Variants in BPIFB4 observed in about 807,000 individuals in gnomAD.
BPIFB4 encodes BPI fold containing family B member 4.
BPIFB4 carries 62 observed loss-of-function variants against 69.2 expected under a neutral mutation model. The observed-to-expected ratio is 0.90, with a 90% CI of 0.73 to 1.11. BPIFB4 has a LOEUF of 1.11. Ranked by LOEUF, BPIFB4 falls within the 50% of genes least tolerant of loss-of-function variation. The probability of loss-of-function intolerance (pLI) is 0.00; values close to 1 mark genes in which losing one functional copy is unlikely to be tolerated. For missense variants in BPIFB4, 789 were observed against 792.0 expected, an observed-to-expected ratio of 1.00 and a Z score of 0.04; for synonymous variants, 330 against 332.7, an observed-to-expected ratio of 0.99 and a Z score of 0.09.
chr20:33,099,616 T>G (rs1007285), intron 13 of BPIFB4, among the ~76,000 whole-genome samples: 85,580 of 151,974 alleles, frequency 0.56, 24,653 homozygotes, highest in Middle Eastern at 0.62. Context: ...CCCTGCCTCC[T>G]GGCCTTTGCC....
At chr20:33,079,830 G>A (rs530286522) in intron 1 of BPIFB4, 127 bp downstream of exon 1, 2 of 152,440 alleles carry the variant, frequency 1.3e-5, no homozygotes, top group South Asian at 2.1e-4. Flanking sequence ...CAGGGGTCTT[G>A]TCTGTAGCAT....
At chr20:33,089,790 A>C (rs1422130148) in intron 9 of BPIFB4, among the ~76,000 whole-genome samples, 1 of 152,116 alleles carries the variant, frequency 6.6e-6, no homozygotes, top group Non-Finnish European at 1.5e-5. Flanking sequence ...GGGTCTGGGA[A>C]GTGATGGCTC....
chr20:33,083,469 A>G lies in BPIFB4; in HGVS notation c.272A>G (p.Glu91Gly). Residue 91 changes from glutamate to glycine, a missense_variant, in exon 5 of 18, where the codon GAG (glutamate) becomes GGG (glycine). Coordinates refer to ENST00000375483, the MANE Select transcript of BPIFB4 (RefSeq NM_182519.3). ...LDGIYQYGHI[E>G]TNDNTAQLGG... ...GGTATTTACCAGTATGGTCACATTG[A>G]GACCAACGACAACACTGCTCAGCTG... The G allele has an allele frequency of 6.2e-7, 1 of 1,613,874 alleles. No individual in the cohort carries two copies. Among genetic ancestry groups the G allele is most frequent in the Non-Finnish European group, 8.5e-7 (1 of 1,179,938 alleles).
intron 11 of BPIFB4, among the ~76,000 whole-genome samples, 155 bp downstream of exon 11, chr20:33,092,813 T>A (rs1981646402): frequency 1.3e-5 from 2 of 152,224 alleles, no homozygotes; most frequent in South Asian, 4.1e-4. Flanking sequence ...GTGCGTCAAT[T>A]ACGTCAGTAC....
chr20:33,102,507 G>T (rs1430118472), intron 14 of BPIFB4, among the ~76,000 whole-genome samples: 1 of 152,238 alleles, frequency 6.6e-6, no homozygotes, highest in Admixed American at 6.5e-5. Context: ...CGAGGCCTAG[G>T]CTATCCCTCC....
chr20:33,110,387 G>C (rs573151828), intron 17 of BPIFB4, among the ~76,000 whole-genome samples: 16 of 152,338 alleles, frequency 1.1e-4, no homozygotes, highest in African/African-American at 3.6e-4. Flanking sequence ...CCTTTCAGGG[G>C]ATACCGATGT....
intron 12 of BPIFB4, among the ~76,000 whole-genome samples, chr20:33,097,085 C>G (rs1981776460): frequency 6.6e-6 from 1 of 152,124 alleles, no homozygotes; most frequent in Non-Finnish European, 1.5e-5. Context: ...GTGGGATTCC[C>G]CAGGCGTGGA....
intron 13 of BPIFB4, among the ~76,000 whole-genome samples, chr20:33,099,668 T>C (rs1157092542): frequency 6.6e-6 from 1 of 152,142 alleles, no homozygotes; most frequent in Non-Finnish European, 1.5e-5. Context: ...CACCCTCTTT[T>C]CATCTGGCCA....
At chr20:33,096,490 G>T (rs1184531690) in intron 12 of BPIFB4, among the ~76,000 whole-genome samples, 1 of 152,174 alleles carries the variant, frequency 6.6e-6, no homozygotes, top group African/African-American at 2.4e-5. Flanking sequence ...GACCAGGCTG[G>T]TCTCGAACTC....
Position 33,100,406 on chromosome 20 carries a change from C to A in BPIFB4, c.1570-20C>A. The A allele has an allele frequency of 6.4e-7, 1 of 1,573,204 alleles. No individual in the cohort carries two copies. The highest frequency in any genetic ancestry group is 1.3e-5 in the African/African-American group (1 of 74,128). On this transcript the variant is annotated intron_variant, in intron 13 of 17. Coordinates refer to ENST00000375483, the MANE Select transcript of BPIFB4 (RefSeq NM_182519.3). ...AAGACATGAAGGCAGTGACGTCTTTCTCCTTTCCTTTCCCTCCAGGACACA... is the reference window on the plus strand; with the variant it reads ...AAGACATGAAGGCAGTGACGTCTTTATCCTTTCCTTTCCCTCCAGGACACA...
In BPIFB4 at chr20:33,104,857, C is replaced by T; in HGVS notation, c.1728C>T (p.Phe576=). ...TGGAGAAGATTTTTGACCTGGCATT[C>T]ATGCCCGCAATGAACGGTGAGAGCG... The part of the protein sequence containing the change: ...VLVEKIFDLA[F]MPAMNAVLGS... Residue 576 remains phenylalanine, a synonymous_variant, in exon 16 of 18, where the codon TTC becomes TTT. Coordinates refer to ENST00000375483, the MANE Select transcript of BPIFB4 (RefSeq NM_182519.3). The T allele has an allele frequency of 6.2e-7, 1 of 1,614,134 alleles. No individual in the cohort carries two copies. Among genetic ancestry groups the T allele is most frequent in the Non-Finnish European group, 8.5e-7 (1 of 1,180,010 alleles).
At chr20:33,085,079 A>T in intron 6 of BPIFB4, 83 bp downstream of exon 6, 1 of 1,526,892 alleles carries the variant, frequency 6.5e-7, no homozygotes, top group Non-Finnish European at 8.8e-7. Flanking sequence ...AGGAAGACCT[A>T]AACTTCTGCC....
intron 8 of BPIFB4, 123 bp from the exon 9 acceptor site, chr20:33,089,375 G>T: frequency 6.8e-7 from 1 of 1,473,560 alleles, no homozygotes. Flanking sequence ...CTGTGGTGAG[G>T]AGAGTGCCTG....
chr20:33,083,425 C>T lies in BPIFB4; in HGVS notation c.228C>T (p.Thr76=). Residue 76 remains threonine, a synonymous_variant, in exon 5 of 18, where the codon ACC becomes ACT. Coordinates refer to ENST00000375483, the MANE Select transcript of BPIFB4 (RefSeq NM_182519.3). ...TCCGAGGACCCCCCCCAGTATATACCAACGGCAAAAAACTTGATGGTATTT... is the reference window on the plus strand; with the variant it reads ...TCCGAGGACCCCCCCCAGTATATACTAACGGCAAAAAACTTGATGGTATTT... The part of the protein sequence containing the change: ...FHVRGPPPVY[T]NGKKLDGIYQ... 1.2e-6 allele frequency: 2 copies of T among 1,613,498 alleles called. No homozygotes were observed. Among genetic ancestry groups the T allele is most frequent in the South Asian group, 1.1e-5 (1 of 91,054 alleles).
intron 10 of BPIFB4, 119 bp downstream of exon 10, chr20:33,090,918 C>T: frequency 1.6e-6 from 2 of 1,235,452 alleles, no homozygotes; most frequent in Non-Finnish European, 2.3e-6. Flanking sequence ...ACAGGACCCT[C>T]TCGATTAGAA....
intron 14 of BPIFB4, among the ~76,000 whole-genome samples, chr20:33,101,113 C>G (rs1035228927): frequency 5.9e-5 from 9 of 152,164 alleles, no homozygotes; most frequent in Non-Finnish European, 1.3e-4. Flanking sequence ...TGATGACATA[C>G]CAGGCTCTGC....
At chr20:33,103,544 G>A (rs922726116) in intron 15 of BPIFB4, among the ~76,000 whole-genome samples, 12 of 152,148 alleles carry the variant, frequency 7.9e-5, no homozygotes, top group African/African-American at 2.2e-4. Flanking sequence ...ACATTCTAGC[G>A]TTGGGTCCTG....
Position 33,083,325 on chromosome 20 carries a change from G to A in BPIFB4, c.170-42G>A, listed in dbSNP as rs777532687. On this transcript the variant is annotated intron_variant, in intron 4 of 17. Coordinates refer to ENST00000375483, the MANE Select transcript of BPIFB4 (RefSeq NM_182519.3). ...GGTGGTGGTCTTTTGGGTGGTGGCC[G>A]ACACCATTACAATGACTACAGACGC... 4.1e-5 allele frequency: 65 copies of A among 1,580,472 alleles called. No homozygotes were observed. In the South Asian group the frequency reaches 6.4e-4, roughly 16 times the overall value.
intron 15 of BPIFB4, among the ~76,000 whole-genome samples, chr20:33,103,416 T>C (rs1981960059): frequency 6.6e-6 from 1 of 152,256 alleles, no homozygotes; most frequent in African/African-American, 2.4e-5. Flanking sequence ...CAACCCACTC[T>C]GAGCCTCAGT....
Sources: allele counts gnomAD v4.1 joint callset (sites outside exome capture counted in the v4.1 genomes callset), GRCh38; gene constraint gnomAD v4.1.1; transcripts MANE v1.5; gene names NCBI Gene and HGNC (gene_info 2026-07-23, HGNC 2026-07-21).